FHIP1A: variants seen among roughly 807,000 people sequenced by gnomAD.
The protein encoded by FHIP1A is FHF complex subunit HOOK-interacting protein 1A.
In FHIP1A, 61 loss-of-function variants were observed where a neutral mutation model predicts 88.6. That is an observed-to-expected ratio of 0.69 (90% CI 0.56 to 0.85). FHIP1A has a LOEUF of 0.85. Among genes scored for constraint, FHIP1A ranks in the 40% least tolerant of loss-of-function variants. The pLI is 0.00. For synonymous variants in FHIP1A, 478 were observed against 496.0 expected (o/e 0.96, Z 0.48); for missense variants, 1,154 against 1,273.5 (o/e 0.91, Z 1.43).
At chr4:151,493,837 G>T (rs1429392841) in intron 3 of FHIP1A, among the ~76,000 whole-genome samples, 1 of 152,146 alleles carries the variant, frequency 6.6e-6, no homozygotes, top group African/African-American at 2.4e-5. Context: ...GGTAATAAAA[G>T]CTGTCTATAA....
At chr4:151,585,323 C>G (rs1305725270) in intron 5 of FHIP1A, among the ~76,000 whole-genome samples, 1 of 151,984 alleles carries the variant, frequency 6.6e-6, no homozygotes, top group Non-Finnish European at 1.5e-5. Flanking sequence ...GGGATTACAG[C>G]CTTGTGCCAC....
At chr4:151,623,540 T>C (rs1246710870) in intron 7 of FHIP1A, among the ~76,000 whole-genome samples, 2 of 135,798 alleles carry the variant, frequency 1.5e-5, no homozygotes, top group African/African-American at 2.5e-5. Flanking sequence ...TTTTTTTTTT[T>C]TTCGCCTCAA....
chr4:151,542,297 C>G (rs530725383), intron 3 of FHIP1A, among the ~76,000 whole-genome samples: 1 of 152,238 alleles, frequency 6.6e-6, no homozygotes, highest in South Asian at 2.1e-4. Context: ...TTAAGGAAAT[C>G]AAAATACATG....
intron 3 of FHIP1A, among the ~76,000 whole-genome samples, chr4:151,533,307 G>C (rs1488791452): frequency 6.6e-6 from 1 of 152,026 alleles, no homozygotes; most frequent in Admixed American, 6.6e-5. Context: ...GTCGGGGTTG[G>C]GGGGCACCTA....
At chr4:151,599,720 G>A (rs936060949) in intron 7 of FHIP1A, among the ~76,000 whole-genome samples, 2 of 152,168 alleles carry the variant, frequency 1.3e-5, no homozygotes, top group Admixed American at 1.3e-4. Context: ...AGCAGCAGGG[G>A]CCCCAGCTCA....
intron 5 of FHIP1A, among the ~76,000 whole-genome samples, chr4:151,578,498 T>C (rs1158943460): frequency 6.6e-6 from 1 of 152,146 alleles, no homozygotes; most frequent in Non-Finnish European, 1.5e-5. Context: ...AGCAAGAAAA[T>C]GACCACTAGT....
intron 3 of FHIP1A, among the ~76,000 whole-genome samples, chr4:151,504,061 C>T (rs1440878370): frequency 6.6e-6 from 1 of 152,186 alleles, no homozygotes; most frequent in African/African-American, 2.4e-5. Flanking sequence ...AACTTCCTTA[C>T]CAAATTAGCC....
intron 3 of FHIP1A, among the ~76,000 whole-genome samples, chr4:151,562,916 A>T (rs1733230664): frequency 6.6e-6 from 1 of 152,154 alleles, no homozygotes; most frequent in Non-Finnish European, 1.5e-5. Flanking sequence ...CTAGAATCTG[A>T]GCTTTTATGA....
chr4:151,493,250 A>G (rs963949470), intron 3 of FHIP1A, among the ~76,000 whole-genome samples: 2 of 152,192 alleles, frequency 1.3e-5, no homozygotes, highest in African/African-American at 2.4e-5. Flanking sequence ...ATTCCTGGAC[A>G]TATGCAACCC....
chr4:151,586,385 G>A (rs534991730), intron 5 of FHIP1A, among the ~76,000 whole-genome samples: 1 of 152,302 alleles, frequency 6.6e-6, no homozygotes, highest in South Asian at 2.1e-4. Context: ...CATGAGAGAT[G>A]AGCAACCCAT....
At chr4:151,438,716 A>G (rs60162090) in intron 1 of FHIP1A, among the ~76,000 whole-genome samples, 2,623 of 150,556 alleles carry the variant, frequency 0.017, 68 homozygotes, top group African/African-American at 0.06. Flanking sequence ...ATCATAGCTC[A>G]TTGCAGCCTC....
intron 2 of FHIP1A, among the ~76,000 whole-genome samples, chr4:151,478,277 A>C (rs1043988806): frequency 4.6e-5 from 7 of 152,196 alleles, no homozygotes; most frequent in African/African-American, 1.7e-4. Context: ...CATTTATACA[A>C]GATGTTTTGT....
chr4:151,458,144 G>A (rs1431051436), intron 2 of FHIP1A, among the ~76,000 whole-genome samples: 1 of 152,202 alleles, frequency 6.6e-6, no homozygotes, highest in Non-Finnish European at 1.5e-5. Flanking sequence ...GAGGTTCTTT[G>A]CCCATGTCGC....
intron 7 of FHIP1A, among the ~76,000 whole-genome samples, chr4:151,624,313 G>A (rs757260625): frequency 1.6e-4 from 24 of 152,266 alleles, no homozygotes; most frequent in African/African-American, 5.1e-4. Context: ...GGGAAGCAGC[G>A]CTCAGTGAGG....
At chr4:151,523,453 G>A (rs561891292) in intron 3 of FHIP1A, among the ~76,000 whole-genome samples, 4 of 152,218 alleles carry the variant, frequency 2.6e-5, no homozygotes, top group African/African-American at 7.2e-5. Context: ...AATTGATGCC[G>A]GGCTTATTAG....
chr4:151,510,014 C>T (rs1224648639), intron 3 of FHIP1A, among the ~76,000 whole-genome samples: 1 of 152,176 alleles, frequency 6.6e-6, no homozygotes, highest in Non-Finnish European at 1.5e-5. Context: ...GCTGTTCCTA[C>T]TCTGGCCCTT....
intron 1 of FHIP1A, among the ~76,000 whole-genome samples, chr4:151,418,858 CT>C (rs1405368137): frequency 6.6e-6 from 1 of 152,110 alleles, no homozygotes; most frequent in Non-Finnish European, 1.5e-5. Context: ...AATGATCTGC[CT>C]CTTATTATTA....
chr4:151,429,624 G>A (rs1302703653), intron 1 of FHIP1A, among the ~76,000 whole-genome samples: 1 of 152,150 alleles, frequency 6.6e-6, no homozygotes, highest in Non-Finnish European at 1.5e-5. Flanking sequence ...CAAGGTGGGT[G>A]GATCACTTGG....
intron 1 of FHIP1A, among the ~76,000 whole-genome samples, chr4:151,442,958 T>C (rs147905677): frequency 6.6e-6 from 1 of 152,308 alleles, no homozygotes; most frequent in African/African-American, 2.4e-5. Flanking sequence ...GTCTTATTCT[T>C]TAATGATTGT....
Sources: gnomAD v4.1 joint callset for allele counts (sites outside exome capture counted in the v4.1 genomes callset) on GRCh38, gnomAD v4.1.1 for gene constraint, MANE v1.5 for transcripts, NCBI Gene and HGNC (gene_info 2026-07-23, HGNC 2026-07-21) for gene names.